Variants in MYO16 observed in about 807,000 individuals in gnomAD.
The protein encoded by MYO16 is unconventional myosin-XVI.
MYO16 carries 94 observed loss-of-function variants against 205.3 expected under a neutral mutation model. The ratio of observed to expected loss-of-function variants is 0.46; its 90% CI spans 0.39 to 0.54. The LOEUF (loss-of-function observed/expected upper bound fraction) is 0.54. MYO16 is among the 20% of genes least tolerant of loss of function. MYO16 has a pLI of 0.00. For synonymous variants in MYO16, 988 were observed against 954.0 expected, an observed-to-expected ratio of 1.04 and a Z score of -0.66; for missense variants, 2,315 against 2,387.5, an observed-to-expected ratio of 0.97 and a Z score of 0.63.
intron 1 of MYO16, among the ~76,000 whole-genome samples, chr13:108,656,248 G>T (rs1178394742): frequency 6.6e-6 from 1 of 152,052 alleles, no homozygotes; most frequent in Non-Finnish European, 1.5e-5. Context: ...CTCGTGGTAG[G>T]GATTAATCTC....
At chr13:108,532,981 G>A in the MYO16 span, among the ~76,000 whole-genome samples, 2 of 152,098 alleles carry the variant, frequency 1.3e-5, no homozygotes, top group African/African-American at 4.8e-5. Context: ...TGTGAGAAGA[G>A]ATACCTGCTT....
Position 108,849,893 on chromosome 13 carries a change from T to C in MYO16, c.1248+5400T>C, listed in dbSNP as rs573664556. 1.4e-3 allele frequency among the ~76,000 whole-genome samples: 206 copies of C among 151,262 alleles called. 5 individuals carry two copies. The highest frequency in any genetic ancestry group is 4.8e-3 in the African/African-American group (197 of 41,006). On this transcript the variant is annotated intron_variant, in intron 10 of 34. Coordinates refer to ENST00000457511, the MANE Select transcript of MYO16 (RefSeq NM_001198950.3). ...AATCCTGTTGAATTTCCTCTTTTTTTTTTTTTAACTCATCCATACTGGGTT... is the reference window on the plus strand; with the variant it reads ...AATCCTGTTGAATTTCCTCTTTTTTCTTTTTTAACTCATCCATACTGGGTT...
chr13:109,030,962 ACTT>A (rs1428020003), intron 23 of MYO16, among the ~76,000 whole-genome samples: 2 of 152,028 alleles, frequency 1.3e-5, no homozygotes, highest in Non-Finnish European at 2.9e-5. Context: ...CAAATACTCC[ACTT>A]CTTATCTCAG....
intron 20 of MYO16, among the ~76,000 whole-genome samples, chr13:108,973,672 G>C (rs1884139264): frequency 6.6e-6 from 1 of 152,050 alleles, no homozygotes; most frequent in African/African-American, 2.4e-5. Flanking sequence ...AGAGAAAAAA[G>C]AACACATCCA....
At chr13:108,666,971 CT>C (rs2139435400) in intron 2 of MYO16, among the ~76,000 whole-genome samples, 1 of 152,280 alleles carries the variant, frequency 6.6e-6, no homozygotes, top group East Asian at 1.9e-4. Flanking sequence ...TTGACTGGCT[CT>C]CAAATCAGTA....
intron 20 of MYO16, among the ~76,000 whole-genome samples, chr13:108,966,365 A>G (rs1040948745): frequency 6.6e-6 from 1 of 152,224 alleles, no homozygotes; most frequent in African/African-American, 2.4e-5. Flanking sequence ...GTCCAGCTGT[A>G]CATAGAAACT....
At chr13:108,607,145 G>A (rs1345071919) in intron 1 of MYO16, among the ~76,000 whole-genome samples, 5 of 152,192 alleles carry the variant, frequency 3.3e-5, no homozygotes. Flanking sequence ...AGGAGGAAGG[G>A]ACTTGCCTTG....
chr13:108,729,544 C>A (rs980796021), intron 4 of MYO16, among the ~76,000 whole-genome samples: 1 of 151,992 alleles, frequency 6.6e-6, no homozygotes, highest in Non-Finnish European at 1.5e-5. Flanking sequence ...CAAAGCCCAT[C>A]CTTATTTCTT....
intron 5 of MYO16, among the ~76,000 whole-genome samples, chr13:108,790,556 C>T (rs564851553): frequency 2.8e-4 from 42 of 152,214 alleles, no homozygotes; most frequent in African/African-American, 4.1e-4. Flanking sequence ...TCCGTTACAA[C>T]GTAGACTTAT....
At chr13:108,634,888 A>G (rs1190343440) in intron 1 of MYO16, among the ~76,000 whole-genome samples, 1 of 152,238 alleles carries the variant, frequency 6.6e-6, no homozygotes, top group South Asian at 2.1e-4. Flanking sequence ...TTTCCCACAT[A>G]TGAACCTTTA....
At chr13:108,579,622 G>A in the MYO16 span, among the ~76,000 whole-genome samples, 1 of 151,924 alleles carries the variant, frequency 6.6e-6, no homozygotes, top group Non-Finnish European at 1.5e-5. Flanking sequence ...TGTATTTTCA[G>A]TAGAAACGGT....
intron 22 of MYO16, among the ~76,000 whole-genome samples, chr13:109,010,957 TTATA>T (rs67321937): frequency 0.092 from 10,848 of 118,548 alleles, 1,161 homozygotes; most frequent in Non-Finnish European, 0.12. Flanking sequence ...ACATATAATA[TTATA>T]TATATATATA....
At chr13:108,915,959 A>T (rs535997488) in intron 16 of MYO16, among the ~76,000 whole-genome samples, 2 of 152,308 alleles carry the variant, frequency 1.3e-5, no homozygotes, top group East Asian at 3.9e-4. Context: ...GCTCCCGTGA[A>T]GGTTTGGTTT....
At chr13:108,769,118 C>CA (rs1885876133) in intron 4 of MYO16, among the ~76,000 whole-genome samples, 1 of 152,130 alleles carries the variant, frequency 6.6e-6, no homozygotes, top group Non-Finnish European at 1.5e-5. Flanking sequence ...AGTTAGTAAA[C>CA]ATATGTGTGT....
At chr13:108,632,422 C>G (rs908795315) in intron 1 of MYO16, among the ~76,000 whole-genome samples, 1 of 152,142 alleles carries the variant, frequency 6.6e-6, no homozygotes, top group Non-Finnish European at 1.5e-5. Context: ...ATCCCATGTG[C>G]TCCTAGTGAA....
chr13:108,652,978 A>G lies in MYO16; in HGVS notation c.29-12908A>G, dbSNP rs932026771. Among the ~76,000 whole-genome samples the G allele has an allele frequency of 3.3e-5, 5 of 152,322 alleles. No individual in the cohort carries two copies. In the East Asian group the frequency reaches 7.7e-4, roughly 24 times the overall value. On this transcript the variant is annotated intron_variant, in intron 1 of 34. Transcript: ENST00000457511. ...GAGAATACTCCAAACTGTTTTTCAC[A>G]ATGGCTGCACCACTTTACAATCCCA... is the stretch of plus-strand genomic sequence containing the variant.
chr13:108,894,164 C>A (rs962375114), intron 14 of MYO16, among the ~76,000 whole-genome samples: 1 of 152,060 alleles, frequency 6.6e-6, no homozygotes. Context: ...CATGCGAATG[C>A]CTTCACGATC....
At chr13:108,603,201 T>C (rs1375120517) in intron 1 of MYO16, among the ~76,000 whole-genome samples, 1 of 152,154 alleles carries the variant, frequency 6.6e-6, no homozygotes, top group Non-Finnish European at 1.5e-5. Flanking sequence ...GTGTTGGAGA[T>C]GAAGAGACAG....
chr13:108,858,797 T>G (rs1346676111), intron 11 of MYO16, among the ~76,000 whole-genome samples: 2 of 152,188 alleles, frequency 1.3e-5, no homozygotes, highest in African/African-American at 4.8e-5. Context: ...AGCCAGAGTC[T>G]GAGGAAAGGC....
Sources: gnomAD v4.1 joint callset for allele counts (sites outside exome capture counted in the v4.1 genomes callset) on GRCh38, gnomAD v4.1.1 for gene constraint, MANE v1.5 for transcripts, NCBI Gene and HGNC (gene_info 2026-07-23, HGNC 2026-07-21) for gene names.